Variants in CSMD3 observed in about 807,000 individuals in gnomAD.
CSMD3 encodes the protein CUB and Sushi multiple domains 3, also known as CUB and sushi domain-containing protein 3.
In CSMD3, 177 loss-of-function variants were observed where a neutral mutation model predicts 435.2. The ratio of observed to expected loss-of-function variants is 0.41; its 90% CI spans 0.36 to 0.46. CSMD3 has a LOEUF of 0.46. Among genes scored for constraint, CSMD3 ranks in the 20% least tolerant of loss-of-function variants. The pLI is 0.34. For synonymous variants in CSMD3, 1,656 were observed against 1,520.5 expected (o/e 1.09, Z -2.07); for missense variants, 4,265 against 4,504.6 (o/e 0.95, Z 1.52).
chr8:113,376,297 T>G (rs1439807746), intron 1 of CSMD3, among the ~76,000 whole-genome samples: 1 of 152,176 alleles, frequency 6.6e-6, no homozygotes, highest in East Asian at 1.9e-4. Flanking sequence ...TTATTTTTTC[T>G]TTAATATGAA....
chr8:112,947,217 T>G (rs1258592843), intron 9 of CSMD3, among the ~76,000 whole-genome samples: 1 of 151,738 alleles, frequency 6.6e-6, no homozygotes, highest in African/African-American at 2.4e-5. Flanking sequence ...TTATGTAAAT[T>G]AATGGCTGCC....
intron 19 of CSMD3, among the ~76,000 whole-genome samples, chr8:112,648,057 T>C (rs945676097): frequency 6.6e-6 from 1 of 152,202 alleles, no homozygotes; most frequent in Non-Finnish European, 1.5e-5. Flanking sequence ...AGCTGATGTA[T>C]GTTAGAGTGA....
At chr8:113,220,980 T>A (rs1450025140) in intron 3 of CSMD3, among the ~76,000 whole-genome samples, 4 of 151,308 alleles carry the variant, frequency 2.6e-5, no homozygotes, top group Non-Finnish European at 5.9e-5. Context: ...TATATTCTTT[T>A]AAAAGAGCAA....
At chr8:112,287,032 T>C (rs1819274017) in intron 58 of CSMD3, 32 bp downstream of exon 58, 2 of 1,567,484 alleles carry the variant, frequency 1.3e-6, no homozygotes, top group Non-Finnish European at 1.8e-6. Flanking sequence ...AATCCAGTAG[T>C]TGCAATATAT....
intron 13 of CSMD3, among the ~76,000 whole-genome samples, chr8:112,698,538 G>A (rs2076310154): frequency 6.6e-6 from 1 of 152,114 alleles, no homozygotes; most frequent in South Asian, 2.1e-4. Flanking sequence ...AAAAAGATAA[G>A]ATGAAACTGG....
At chr8:113,385,324 T>C (rs1422588303) in intron 1 of CSMD3, among the ~76,000 whole-genome samples, 1 of 151,966 alleles carries the variant, frequency 6.6e-6, no homozygotes, top group Non-Finnish European at 1.5e-5. Context: ...TCCGGACAAA[T>C]AAAAACCACA....
At chr8:112,641,181 G>A (rs753808526) in intron 20 of CSMD3, among the ~76,000 whole-genome samples, 30 of 152,056 alleles carry the variant, frequency 2.0e-4, no homozygotes, top group Non-Finnish European at 4.1e-4. Flanking sequence ...TGTTTTTCCT[G>A]TTATTTAGCC....
At chr8:112,339,941 TG>T (rs1461009956) in intron 42 of CSMD3, among the ~76,000 whole-genome samples, 1 of 152,198 alleles carries the variant, frequency 6.6e-6, no homozygotes, top group Non-Finnish European at 1.5e-5. Flanking sequence ...TCAGTAACAG[TG>T]AAAAAAGTTT....
At chr8:112,618,936 A>G (rs779770166) in intron 22 of CSMD3, among the ~76,000 whole-genome samples, 24 of 152,116 alleles carry the variant, frequency 1.6e-4, no homozygotes, top group Admixed American at 5.9e-4. Context: ...AAAATTATTC[A>G]TATGAGTTAT....
At chr8:112,934,081 G>C (rs1008113457) in intron 9 of CSMD3, among the ~76,000 whole-genome samples, 5 of 152,076 alleles carry the variant, frequency 3.3e-5, no homozygotes, top group African/African-American at 1.2e-4. Context: ...GTGGGTATTG[G>C]CTGAGTACAT....
intron 4 of CSMD3, among the ~76,000 whole-genome samples, chr8:113,125,092 C>T (rs2091088652): frequency 6.6e-6 from 1 of 151,912 alleles, no homozygotes. Flanking sequence ...TCTTTGTTCT[C>T]TTTCTGCTAG....
At chr8:113,207,691 AT>A (rs1178774802) in intron 3 of CSMD3, among the ~76,000 whole-genome samples, 1 of 152,008 alleles carries the variant, frequency 6.6e-6, no homozygotes, top group African/African-American at 2.4e-5. Context: ...CGAATATTAA[AT>A]TTTTTTAAGA....
chr8:112,362,264 G>A (rs1448904411), intron 38 of CSMD3, among the ~76,000 whole-genome samples: 1 of 151,960 alleles, frequency 6.6e-6, no homozygotes, highest in African/African-American at 2.4e-5. Context: ...ATGAATGTTT[G>A]TGGATAAACT....
At chr8:112,370,408 T>A (rs1371591113) in intron 38 of CSMD3, among the ~76,000 whole-genome samples, 2 of 152,224 alleles carry the variant, frequency 1.3e-5, no homozygotes, top group African/African-American at 4.8e-5. Context: ...TCAGAGCATG[T>A]CATTCCTCTG....
In CSMD3 at chr8:113,040,311, A is replaced by G. The variant is rs73351654; in HGVS notation, c.918-21132T>C. 3.6e-3 allele frequency among the ~76,000 whole-genome samples: 547 copies of G among 152,292 alleles called. 3 individuals carry two copies. Among genetic ancestry groups the G allele is most frequent in the African/African-American group, 0.012 (511 of 41,570 alleles). ...AGGTATAATATGACCTTGCAGGGTT[A>G]TTGCACAGTCTTGTGATTATAGTCT... On this transcript the variant is annotated intron_variant, in intron 5 of 70. Coordinates refer to ENST00000297405, the MANE Select transcript of CSMD3 (RefSeq NM_198123.2).
At chr8:113,376,625 T>C in intron 1 of CSMD3, 1 of 1,201,842 alleles carries the variant, frequency 8.3e-7, no homozygotes. Context: ...AAAGAAAGTT[T>C]ACCACTCTCT....
rs192817401 is a variant in CSMD3, at chr8:112,235,635, T to C, written c.10628-1158A>G. Among the ~76,000 whole-genome samples, 158 of 152,280 alleles carry C rather than the reference T, an allele frequency of 1.0e-3. 1 individual carries two copies. The highest frequency in any genetic ancestry group is 4.7e-4 in the Non-Finnish European group (32 of 68,012). ...AAATAGGATCTAAGAAAAAATCTGA[T>C]TAACTGTTGTTTAAAACTTGACTGT... is the stretch of plus-strand genomic sequence containing the variant. On this transcript the variant is annotated intron_variant, in intron 67 of 70. Transcript: ENST00000297405.
At chr8:112,331,150 G>A (rs1220962448) in intron 45 of CSMD3, among the ~76,000 whole-genome samples, 1 of 151,894 alleles carries the variant, frequency 6.6e-6, no homozygotes, top group Non-Finnish European at 1.5e-5. Flanking sequence ...TATAGTGATG[G>A]CTATACAAAG....
At chr8:112,985,576 C>T (rs1034880029) in intron 6 of CSMD3, among the ~76,000 whole-genome samples, 15 of 152,080 alleles carry the variant, frequency 9.9e-5, no homozygotes, top group Non-Finnish European at 2.2e-4. Flanking sequence ...ACCAGTCCTT[C>T]GCCTGTTAGG....
Sources: gnomAD v4.1 joint callset for allele counts (sites outside exome capture counted in the v4.1 genomes callset) on GRCh38, gnomAD v4.1.1 for gene constraint, MANE v1.5 for transcripts, NCBI Gene and HGNC (gene_info 2026-07-23, HGNC 2026-07-21) for gene names.